Variants in SERINC3 observed in about 807,000 individuals in gnomAD.
The protein encoded by SERINC3 is tumor differentially expressed protein 1.
SERINC3 carries 22 observed loss-of-function variants against 52.1 expected under a neutral mutation model. The observed-to-expected ratio is 0.42, with a 90% confidence interval of 0.30 to 0.60. The LOEUF (loss-of-function observed/expected upper bound fraction) is 0.60, where lower values mean the gene tolerates loss of function less well. Ranked by LOEUF, SERINC3 falls within the 20% of genes least tolerant of loss-of-function variation. SERINC3 has a pLI of 0.16. For missense variants in SERINC3, 564 were observed against 584.6 expected (o/e 0.96, Z 0.36); for synonymous variants, 226 against 212.7 (o/e 1.06, Z -0.54).
intron 6 of SERINC3, 83 bp from the exon 7 acceptor site, chr20:44,504,974 T>C: frequency 1.0e-6 from 1 of 987,020 alleles, no homozygotes; most frequent in Non-Finnish European, 1.6e-6. Context: ...CTGGAGTTAA[T>C]TCAACTATCA....
At chr20:44,520,708 G>A (rs1004790007) in intron 1 of SERINC3, among the ~76,000 whole-genome samples, 1 of 151,968 alleles carries the variant, frequency 6.6e-6, no homozygotes, top group African/African-American at 2.4e-5. Context: ...TCACGATAAG[G>A]CAATATACCC....
intron 1 of SERINC3, chr20:44,519,503 T>C: frequency 3.1e-6 from 1 of 322,606 alleles, no homozygotes; most frequent in Non-Finnish European, 4.5e-6. Context: ...AGATCACAGA[T>C]CAACTATGTA....
At chr20:44,503,539 T>C (rs1427673261) in intron 8 of SERINC3, among the ~76,000 whole-genome samples, 1 of 152,292 alleles carries the variant, frequency 6.6e-6, no homozygotes, top group East Asian at 1.9e-4. Context: ...TCTCAGCTAC[T>C]TGGGAGCCTG....
intron 1 of SERINC3, among the ~76,000 whole-genome samples, chr20:44,519,138 T>G (rs1378193159): frequency 6.6e-6 from 1 of 152,158 alleles, no homozygotes; most frequent in African/African-American, 2.4e-5. Context: ...AGGAAGATTC[T>G]TCCCAGCCTA....
intron 6 of SERINC3, among the ~76,000 whole-genome samples, chr20:44,505,481 C>G (rs1474526441): frequency 6.6e-6 from 1 of 152,032 alleles, no homozygotes; most frequent in African/African-American, 2.4e-5. Context: ...CCACCACACC[C>G]GGCTAATTTT....
At chr20:44,509,744 G>T in intron 5 of SERINC3, 147 bp downstream of exon 5, 2 of 865,528 alleles carry the variant, frequency 2.3e-6, no homozygotes, top group Non-Finnish European at 3.7e-6. Context: ...TGCCTAGACT[G>T]GTCTTGAACT....
chr20:44,505,353 C>G (rs918397539), intron 6 of SERINC3, among the ~76,000 whole-genome samples: 9 of 151,832 alleles, frequency 5.9e-5, no homozygotes, highest in African/African-American at 2.2e-4. Context: ...GAGACGGAGT[C>G]TCGCTTTTGT....
At chr20:44,512,213 T>C (rs939458904) in intron 3 of SERINC3, among the ~76,000 whole-genome samples, 3 of 150,164 alleles carry the variant, frequency 2.0e-5, no homozygotes, top group African/African-American at 7.4e-5. Context: ...CTAGGGAGGC[T>C]GAGGCAGGAG....
chr20:44,505,474 C>A (rs1233984192), intron 6 of SERINC3, among the ~76,000 whole-genome samples: 1 of 150,868 alleles, frequency 6.6e-6, no homozygotes, highest in East Asian at 2.0e-4. Context: ...GTGCCCGCCA[C>A]CACACCCGGC....
chr20:44,514,085 C>T, intron 1 of SERINC3, 45 bp from the exon 2 acceptor site: 1 of 1,581,426 alleles, frequency 6.3e-7, no homozygotes. Context: ...CTTCAGTATA[C>T]TCCTTTATGA....
At chr20:44,510,857 C>T (rs954784339) in intron 4 of SERINC3, among the ~76,000 whole-genome samples, 6 of 151,774 alleles carry the variant, frequency 4.0e-5, no homozygotes, top group Admixed American at 2.0e-4. Context: ...TCATATTAAT[C>T]GGATACCATC....
intron 3 of SERINC3, among the ~76,000 whole-genome samples, 190 bp from the exon 4 acceptor site, chr20:44,511,558 A>T (rs1165560556): frequency 6.6e-6 from 1 of 152,220 alleles, no homozygotes; most frequent in Non-Finnish European, 1.5e-5. Flanking sequence ...TTAAAGGACA[A>T]CATTAGCCTA....
At position 44,512,915 on chromosome 20, in the gene SERINC3, C is replaced by A. The variant is rs1266648593; in HGVS notation, c.281G>T (p.Gly94Val). The A allele has an allele frequency of 3.8e-6, 6 of 1,567,836 alleles. No homozygotes were observed. Among genetic ancestry groups the A allele is most frequent in the Non-Finnish European group, 5.2e-6 (6 of 1,164,920 alleles). ...GCTGATCCGATACACAGCTTTATAA[C>A]CAACCAGCACATCACAATCTTTATC... ...NADKDCDVLV[G>V]YKAVYRISFA... Residue 94 changes from glycine (G) to valine (V), a missense_variant, in exon 3 of 10, where the codon GGT becomes GTT. Physicochemically the swap from Gly to Val is moderately radical, Grantham distance 109. Transcript: ENST00000342374.
intron 5 of SERINC3, 98 bp from the exon 6 acceptor site, chr20:44,507,094 T>C (rs773369115): frequency 2.2e-6 from 2 of 896,146 alleles, no homozygotes; most frequent in Non-Finnish European, 3.1e-6. Flanking sequence ...GGAGACATTA[T>C]GTCACTTTTC....
intron 1 of SERINC3, 136 bp downstream of exon 1, chr20:44,521,777 G>A (rs1435644881): frequency 2.3e-6 from 2 of 856,708 alleles, no homozygotes; most frequent in African/African-American, 1.7e-5. Context: ...TTGCGTCTGG[G>A]GCCCCGGAGA....
downstream of SERINC3, among the ~76,000 whole-genome samples, chr20:44,496,672 T>C (rs1009575945): frequency 7.2e-4 from 110 of 152,102 alleles, 1 homozygote; most frequent in Non-Finnish European, 3.5e-4. Flanking sequence ...CGCGCACCTA[T>C]AGTCCCAGCT....
intron 4 of SERINC3, 24 bp downstream of exon 4, chr20:44,511,265 A>G (rs761868928): frequency 6.7e-7 from 1 of 1,488,314 alleles, no homozygotes; most frequent in South Asian, 1.1e-5. Flanking sequence ...GTTTAAAATT[A>G]ACCCCCTCAA....
Position 44,504,514 on chromosome 20 carries a change from G to A in SERINC3, c.874+287C>T, listed in dbSNP as rs1298647236. The stretch of plus-strand genomic sequence containing the variant: ...AATTCAGTCACAACAAAGGGCCAAA[G>A]CCCTTGACCACAGCTCTTAACTAGT... On this transcript the variant is annotated intron_variant, in intron 7 of 9. Transcript: ENST00000342374. Among the ~76,000 whole-genome samples the A allele has an allele frequency of 1.1e-4, 16 of 152,274 alleles. No individual in the cohort carries two copies. The East Asian group carries it at 2.5e-3, about 24-fold the overall frequency.
intron 5 of SERINC3, among the ~76,000 whole-genome samples, chr20:44,509,015 C>A (rs923575687): frequency 6.6e-6 from 1 of 152,152 alleles, no homozygotes; most frequent in Non-Finnish European, 1.5e-5. Context: ...GTACTGAAAG[C>A]ATTTTAAAAT....
Sources: gnomAD v4.1 joint callset for allele counts (sites outside exome capture counted in the v4.1 genomes callset) on GRCh38, gnomAD v4.1.1 for gene constraint, MANE v1.5 for transcripts, NCBI Gene and HGNC (gene_info 2026-07-23, HGNC 2026-07-21) for gene names.